The following EEPD1 variants were observed in gnomAD, a reference collection of about 807,000 sequenced individuals.
The protein encoded by EEPD1 is endonuclease/exonuclease/phosphatase family domain-containing protein 1.
Under a neutral mutation model 46.3 loss-of-function variants are expected in EEPD1, and 17 were observed. The observed-to-expected ratio is 0.37, with a 90% confidence interval of 0.25 to 0.55. The LOEUF is 0.55. Ranked by LOEUF, EEPD1 falls within the 20% of genes least tolerant of loss-of-function variation. The pLI is 0.83. For synonymous variants in EEPD1, 313 were observed against 315.6 expected, an observed-to-expected ratio of 0.99 and a Z score of 0.09; for missense variants, 673 against 745.6, an observed-to-expected ratio of 0.90 and a Z score of 1.13.
At chr7:36,273,082 G>C (rs1007978732) in intron 3 of EEPD1, among the ~76,000 whole-genome samples, 1 of 151,932 alleles carries the variant, frequency 6.6e-6, no homozygotes, top group Non-Finnish European at 1.5e-5. Flanking sequence ...GGTGGTGACT[G>C]TGCAGCTCCA....
At chr7:36,289,632 C>G (rs1787395565) in intron 6 of EEPD1, among the ~76,000 whole-genome samples, 1 of 152,200 alleles carries the variant, frequency 6.6e-6, no homozygotes, top group Non-Finnish European at 1.5e-5. Context: ...GTAGCTGGGA[C>G]TATAGGCGCC....
intron 7 of EEPD1, 92 bp from the exon 8 acceptor site, chr7:36,298,915 C>T: frequency 6.9e-7 from 1 of 1,451,310 alleles, no homozygotes; most frequent in East Asian, 2.3e-5. Context: ...GGCCTGCAGA[C>T]ATGCGGTGTG....
Position 36,155,089 on chromosome 7 carries a change from G to T in EEPD1, c.765G>T (p.Arg255Ser). Residue 255 changes from arginine (R) to serine (S), a missense_variant, in exon 2 of 8, where the codon AGG becomes AGT. Physicochemically the swap from Arg to Ser is moderately radical, Grantham distance 110. Transcript: ENST00000242108. ...CCGTGGAGGCCTTTGGAGGCACAAG[G>T]GATGGGAGGCCTGTGCTGAGGCTGG... ...RPSVEAFGGT[R>S]DGRPVLRLAT... 1 of 1,584,950 alleles carries T rather than the reference G, an allele frequency of 6.3e-7. No homozygotes were observed. Among genetic ancestry groups the T allele is most frequent in the Non-Finnish European group, 8.6e-7 (1 of 1,164,748 alleles).
intron 2 of EEPD1, among the ~76,000 whole-genome samples, chr7:36,205,175 G>C (rs982432038): frequency 1.3e-5 from 2 of 152,172 alleles, no homozygotes; most frequent in African/African-American, 2.4e-5. Flanking sequence ...GGGTCACCAG[G>C]ATAGAGACAA....
intron 3 of EEPD1, among the ~76,000 whole-genome samples, chr7:36,256,096 C>G (rs1315930547): frequency 1.3e-5 from 2 of 152,164 alleles, no homozygotes; most frequent in Non-Finnish European, 2.9e-5. Flanking sequence ...ACTAGTTATT[C>G]AGGAGCAGGT....
chr7:36,234,964 A>G (rs376771944), intron 2 of EEPD1, among the ~76,000 whole-genome samples: 119 of 133,468 alleles, frequency 8.9e-4, no homozygotes, highest in African/African-American at 3.3e-3. Flanking sequence ...CCTCCCCCAT[A>G]GCCTCCAGCC....
intron 2 of EEPD1, among the ~76,000 whole-genome samples, chr7:36,207,774 T>C (rs1562686941): frequency 6.6e-6 from 1 of 152,202 alleles, no homozygotes; most frequent in Non-Finnish European, 1.5e-5. Context: ...TTGAAGTCTG[T>C]TTATAAAGTG....
rs77796247 is a variant in EEPD1 at position 36,282,693 on chromosome 7, A to G, written c.1041+1468A>G. On this transcript the variant is annotated intron_variant, in intron 4 of 7. Transcript: ENST00000242108. Reference sequence around the variant, plus strand: ...TACTATGCATTGGAATGCATCATGAACGTAGCGCAGGCCAGGGCCAGGCGG... The same window carrying G: ...TACTATGCATTGGAATGCATCATGAGCGTAGCGCAGGCCAGGGCCAGGCGG... Among the ~76,000 whole-genome samples the G allele has an allele frequency of 4.1e-3, 621 of 152,326 alleles. 6 individuals are homozygous for G. The highest frequency in any genetic ancestry group is 0.014 in the African/African-American group (591 of 41,574).
At chr7:36,219,616 G>A (rs1786098502) in intron 2 of EEPD1, among the ~76,000 whole-genome samples, 1 of 146,098 alleles carries the variant, frequency 6.8e-6, no homozygotes, top group Non-Finnish European at 1.5e-5. Flanking sequence ...AGGAAGGAAG[G>A]AAAGAAGGAA....
At chr7:36,248,514 CTTTTTTT>C (rs35722763) in intron 3 of EEPD1, among the ~76,000 whole-genome samples, 1 of 126,788 alleles carries the variant, frequency 7.9e-6, no homozygotes, top group Non-Finnish European at 1.6e-5. Context: ...GCCAGATACT[CTTTTTTT>C]TTTTTTTTTT....
At chr7:36,221,615 A>G (rs1169319453) in intron 2 of EEPD1, among the ~76,000 whole-genome samples, 1 of 152,228 alleles carries the variant, frequency 6.6e-6, no homozygotes, top group Non-Finnish European at 1.5e-5. Flanking sequence ...TGGGTCAATC[A>G]TTTAGATCCT....
At chr7:36,215,637 G>A (rs1259631815) in intron 2 of EEPD1, among the ~76,000 whole-genome samples, 1 of 152,244 alleles carries the variant, frequency 6.6e-6, no homozygotes, top group Non-Finnish European at 1.5e-5. Flanking sequence ...ATGTGTTGGG[G>A]CCATTGCTGC....
chr7:36,225,562 A>G lies in EEPD1; in HGVS notation c.879-13423A>G, dbSNP rs1328327486. ...TAACAACGATAAGAGGGGGACAAGCATTTCATCCAAACAGAGAAAAAAGTA... is the reference window on the plus strand; with the variant it reads ...TAACAACGATAAGAGGGGGACAAGCGTTTCATCCAAACAGAGAAAAAAGTA... On this transcript the variant is annotated intron_variant, in intron 2 of 7. Coordinates refer to ENST00000242108, the MANE Select transcript of EEPD1 (RefSeq NM_030636.3). This position sits in a 1 kb window ranked among gnomAD's most constrained non-coding sequence, Gnocchi z 4.2. 6.6e-6 allele frequency among the ~76,000 whole-genome samples: 1 copy of G among 152,198 alleles called. No individual in the cohort carries two copies. Among genetic ancestry groups the G allele is most frequent in the African/African-American group, 2.4e-5 (1 of 41,444 alleles).
At chr7:36,242,423 TGA>T (rs1786569507) in intron 3 of EEPD1, among the ~76,000 whole-genome samples, 1 of 152,172 alleles carries the variant, frequency 6.6e-6, no homozygotes, top group Non-Finnish European at 1.5e-5. Flanking sequence ...CCAAATTCGC[TGA>T]GTTTCCTCCT....
intron 2 of EEPD1, chr7:36,228,488 C>G (rs1417271898): frequency 6.6e-6 from 1 of 151,664 alleles, no homozygotes. Context: ...GATTGTGCCA[C>G]TGCACTCCAG....
At chr7:36,241,752 C>T (rs1359170482) in intron 3 of EEPD1, among the ~76,000 whole-genome samples, 3 of 152,128 alleles carry the variant, frequency 2.0e-5, no homozygotes, top group South Asian at 2.1e-4. Context: ...CCTGTAATCC[C>T]AGCTACTCAG....
intron 3 of EEPD1, among the ~76,000 whole-genome samples, chr7:36,241,218 A>G (rs1163446890): frequency 1.3e-5 from 2 of 152,174 alleles, no homozygotes; most frequent in Non-Finnish European, 2.9e-5. Context: ...GCTCACACCT[A>G]TAATCCCAGC....
intron 2 of EEPD1, among the ~76,000 whole-genome samples, chr7:36,190,968 A>G (rs974643230): frequency 2.0e-5 from 3 of 152,202 alleles, no homozygotes; most frequent in African/African-American, 4.8e-5. Context: ...TTAAGTCACT[A>G]TCGGTCACTG....
intron 2 of EEPD1, among the ~76,000 whole-genome samples, chr7:36,164,135 G>T (rs534802621): frequency 2.0e-5 from 3 of 152,286 alleles, no homozygotes; most frequent in African/African-American, 7.2e-5. Context: ...CTGATTGCAG[G>T]ATACTATATT....
Sources: allele counts gnomAD v4.1 joint callset (sites outside exome capture counted in the v4.1 genomes callset), GRCh38; gene constraint gnomAD v4.1.1; non-coding constraint Gnocchi (gnomAD v3.1); transcripts MANE v1.5; gene names NCBI Gene and HGNC (gene_info 2026-07-23, HGNC 2026-07-21).